The following SOBP variants were observed in gnomAD, a reference collection of about 807,000 sequenced individuals.
The protein encoded by SOBP is sine oculis-binding protein homolog.
A neutral mutation model predicts 53.6 loss-of-function variants in SOBP; 4 were observed. The observed-to-expected ratio is 0.07, with a 90% confidence interval of 0.04 to 0.17. The LOEUF is 0.17. SOBP is among the 10% of genes least tolerant of loss of function. The probability of loss-of-function intolerance (pLI) is 1.00; values close to 1 mark genes in which losing one functional copy is unlikely to be tolerated. For missense variants in SOBP, 1,088 were observed against 1,204.7 expected, an observed-to-expected ratio of 0.90 and a Z score of 1.43; for synonymous variants, 584 against 522.6, an observed-to-expected ratio of 1.12 and a Z score of -1.60.
intron 4 of SOBP, among the ~76,000 whole-genome samples, chr6:107,578,095 AGAAG>A (rs1562628402): frequency 8.2e-6 from 1 of 122,692 alleles, no homozygotes; most frequent in Admixed American, 8.2e-5. Context: ...AAAAAAAAAA[AGAAG>A]AAGTTCGTTT....
chr6:107,567,883 T>C (rs939950014), intron 4 of SOBP, among the ~76,000 whole-genome samples: 3 of 152,178 alleles, frequency 2.0e-5, no homozygotes, highest in African/African-American at 7.2e-5. Context: ...GAAAAGGGAC[T>C]CTGAGAGTAG....
In SOBP at chr6:107,515,351, C is replaced by T. The variant is rs538069834; in HGVS notation, c.421+8924C>T. Among the ~76,000 whole-genome samples, 8 of 152,246 alleles carry T rather than the reference C, an allele frequency of 5.3e-5. No individual in the cohort carries two copies. The South Asian group carries it at 6.2e-4, about 12-fold the overall frequency. On this transcript the variant is annotated intron_variant, in intron 3 of 6. Coordinates refer to ENST00000317357, the MANE Select transcript of SOBP (RefSeq NM_018013.4). ...TCAGAGAATAGAGAAGAAATAAATACGTAGACTTATTTTATGATCTCAGCA... is the reference window on the plus strand; with the variant it reads ...TCAGAGAATAGAGAAGAAATAAATATGTAGACTTATTTTATGATCTCAGCA...
At chr6:107,595,380 A>C (rs1240404238) in intron 5 of SOBP, among the ~76,000 whole-genome samples, 2 of 116,472 alleles carry the variant, frequency 1.7e-5, no homozygotes, top group African/African-American at 7.0e-5. Context: ...TTTTAGGATC[A>C]CTAAGGCTAT....
At chr6:107,501,979 T>C (rs539908149) in intron 1 of SOBP, among the ~76,000 whole-genome samples, 78 of 152,326 alleles carry the variant, frequency 5.1e-4, no homozygotes, top group African/African-American at 1.9e-3. Context: ...TCAATCTGGC[T>C]AGTTTTTTCT....
chr6:107,593,651 G>A (rs1785840245), intron 5 of SOBP, among the ~76,000 whole-genome samples: 1 of 152,092 alleles, frequency 6.6e-6, no homozygotes, highest in Non-Finnish European at 1.5e-5. Flanking sequence ...TACCTCATGG[G>A]GTTGTTTCAG....
intron 4 of SOBP, among the ~76,000 whole-genome samples, chr6:107,549,204 T>C (rs1025325746): frequency 5.3e-5 from 8 of 151,930 alleles, no homozygotes; most frequent in African/African-American, 1.9e-4. Context: ...GAGGCGGAGC[T>C]TGCAGGGAGC....
At chr6:107,598,011 T>C (rs922655664) in intron 5 of SOBP, among the ~76,000 whole-genome samples, 1 of 152,164 alleles carries the variant, frequency 6.6e-6, no homozygotes, top group African/African-American at 2.4e-5. Flanking sequence ...GTTACCCAGA[T>C]TTTTAAGACA....
At chr6:107,528,206 G>A (rs1424009090) in intron 3 of SOBP, among the ~76,000 whole-genome samples, 1 of 152,074 alleles carries the variant, frequency 6.6e-6, no homozygotes, top group Non-Finnish European at 1.5e-5. Flanking sequence ...TGTTTTAATG[G>A]TTCATAAGAA....
chr6:107,502,109 T>C (rs964253572), intron 1 of SOBP, among the ~76,000 whole-genome samples: 2 of 152,184 alleles, frequency 1.3e-5, no homozygotes, highest in African/African-American at 4.8e-5. Flanking sequence ...TTTGTTTTTG[T>C]GGAGTCAGTA....
intron 4 of SOBP, among the ~76,000 whole-genome samples, chr6:107,584,245 C>T (rs1197293589): frequency 7.1e-6 from 1 of 140,958 alleles, no homozygotes; most frequent in Non-Finnish European, 1.5e-5. Flanking sequence ...GGTCAGACAC[C>T]AATATGTTAA....
chr6:107,598,346 T>A (rs1360704296), intron 5 of SOBP, among the ~76,000 whole-genome samples: 1 of 151,530 alleles, frequency 6.6e-6, no homozygotes, highest in Non-Finnish European at 1.5e-5. Flanking sequence ...TGGCCTGGAG[T>A]CATCAGGAAT....
At chr6:107,562,912 C>T (rs372087632) in intron 4 of SOBP, among the ~76,000 whole-genome samples, 78 of 152,240 alleles carry the variant, frequency 5.1e-4, no homozygotes, top group African/African-American at 1.5e-3. Context: ...TCTCAATAGT[C>T]GTTGAAGCTG....
rs550592718 is a variant in SOBP at position 107,618,177 on chromosome 6, A to C, written c.670-15337A>C. ...TGTTGCAGCCCTTTTTAGTCAAATTAATGGGTAAATGACTGTACAGTGTGA... is the reference window on the plus strand; with the variant it reads ...TGTTGCAGCCCTTTTTAGTCAAATTCATGGGTAAATGACTGTACAGTGTGA... On this transcript the variant is annotated intron_variant, in intron 5 of 6. Coordinates refer to ENST00000317357, the MANE Select transcript of SOBP (RefSeq NM_018013.4). Among the ~76,000 whole-genome samples, 13 of 152,212 alleles carry C rather than the reference A, an allele frequency of 8.5e-5. No individual in the cohort carries two copies. In the South Asian group the frequency reaches 2.7e-3, roughly 32 times the overall value.
At chr6:107,509,399 A>G (rs1783095992) in intron 3 of SOBP, among the ~76,000 whole-genome samples, 1 of 151,460 alleles carries the variant, frequency 6.6e-6, no homozygotes, top group African/African-American at 2.4e-5. Flanking sequence ...CTGTCTCAAA[A>G]AAAAAAAAAA....
chr6:107,617,764 C>G (rs905449817), intron 5 of SOBP, among the ~76,000 whole-genome samples: 1 of 151,024 alleles, frequency 6.6e-6, no homozygotes, highest in Admixed American at 6.6e-5. Context: ...AGCCCATGCT[C>G]TCTCTTAAAG....
intron 3 of SOBP, among the ~76,000 whole-genome samples, chr6:107,523,748 C>T (rs1783580935): frequency 6.6e-6 from 1 of 152,244 alleles, no homozygotes; most frequent in Admixed American, 6.5e-5. Flanking sequence ...CACCTGCCTA[C>T]TACAGTCACC....
intron 4 of SOBP, among the ~76,000 whole-genome samples, chr6:107,580,808 C>T (rs1785378851): frequency 6.6e-6 from 1 of 152,082 alleles, no homozygotes; most frequent in Non-Finnish European, 1.5e-5. Context: ...GTAGGAGGAG[C>T]AGGTGTTGGG....
At chr6:107,570,696 G>A (rs550845261) in intron 4 of SOBP, among the ~76,000 whole-genome samples, 67 of 152,294 alleles carry the variant, frequency 4.4e-4, no homozygotes, top group African/African-American at 1.3e-3. Context: ...TGGGAGGTAG[G>A]GCTTTTCCAC....
chr6:107,628,965 C>T (rs1304832251), intron 5 of SOBP, among the ~76,000 whole-genome samples: 2 of 152,216 alleles, frequency 1.3e-5, no homozygotes, highest in Non-Finnish European at 2.9e-5. Context: ...CCCCTGCCCA[C>T]ATCCCTCCAT....
Sources: gnomAD v4.1 joint callset for allele counts (sites outside exome capture counted in the v4.1 genomes callset) on GRCh38, gnomAD v4.1.1 for gene constraint, MANE v1.5 for transcripts, NCBI Gene and HGNC (gene_info 2026-07-23, HGNC 2026-07-21) for gene names.